COX7B: variants seen among roughly 807,000 people sequenced by gnomAD.
COX7B encodes the protein cytochrome c oxidase subunit 7B, mitochondrial.
COX7B carries 2 observed loss-of-function variants against 7.9 expected under a neutral mutation model. The observed-to-expected ratio is 0.25, with a 90% confidence interval of 0.10 to 0.79. The LOEUF (loss-of-function observed/expected upper bound fraction) is 0.79. COX7B is among the 30% of genes least tolerant of loss of function. COX7B has a pLI of 0.69. For synonymous variants in COX7B, 19 were observed against 21.1 expected (o/e 0.90, Z 0.27); for missense variants, 54 against 62.7 (o/e 0.86, Z 0.47).
rs536036772 is a variant in COX7B, at chrX:77,906,672, G to T, written c.*1411G>T. ...AGATGAAGTCTCACTCTGTTGCCCAGGCTGGAGTGCAGTGGTGTGATCTTG... is the reference window on the plus strand; with the variant it reads ...AGATGAAGTCTCACTCTGTTGCCCATGCTGGAGTGCAGTGGTGTGATCTTG... On this transcript the variant is annotated 3_prime_UTR_variant, in exon 3 of 3. Transcript: ENST00000650309. The T allele has an allele frequency of 4.1e-4, 46 of 111,681 alleles. No homozygotes were observed. Among genetic ancestry groups the T allele is most frequent in the African/African-American group, 1.4e-3 (44 of 30,803 alleles). The allele number at this position is 111,681 out of a possible 1,213,427, so 9.2% of individuals were successfully genotyped here.
chrX:77,901,887 C>T (rs2077121367), intron 1 of COX7B: 1 of 110,951 alleles, frequency 9.0e-6, no homozygotes, highest in South Asian at 3.8e-4. Context: ...CACCACCATG[C>T]CCGGCTAATT....
At chrX:77,899,756 C>G (rs2077116017) in intron 1 of COX7B, among the ~76,000 whole-genome samples, 163 bp downstream of exon 1, 1 of 111,032 alleles carries the variant, frequency 9.0e-6, no homozygotes, top group African/African-American at 3.3e-5. Context: ...TTAGCATTGG[C>G]TTTATCACCC....
intron 2 of COX7B, 81 bp downstream of exon 2, chrX:77,902,848 G>C (rs1420353081): frequency 1.0e-6 from 1 of 970,127 alleles, no homozygotes; most frequent in African/African-American, 1.9e-5. Flanking sequence ...TAACATAGTA[G>C]TGTACATATC....
chrX:77,906,361 C>T lies in COX7B; in HGVS notation c.*1100C>T, dbSNP rs1319466167. The T allele has an allele frequency of 9.0e-6, 1 of 111,707 alleles. No individual in the cohort carries two copies. Among genetic ancestry groups the T allele is most frequent in the African/African-American group, 3.3e-5 (1 of 30,740 alleles). The allele number at this position is 111,707 out of a possible 1,213,427, so 9.2% of individuals were successfully genotyped here. On this transcript the variant is annotated 3_prime_UTR_variant, in exon 3 of 3. Coordinates refer to ENST00000650309, the MANE Select transcript of COX7B (RefSeq NM_001866.3). ...GCGGAGTGGTCCTATAAAACAAACT[C>T]GTAGCCTGTCTGAAGACTAGCTACT... is the stretch of plus-strand genomic sequence containing the variant.
At chrX:77,902,248 T>A (rs1487338991) in intron 1 of COX7B, among the ~76,000 whole-genome samples, 3 of 111,865 alleles carry the variant, frequency 2.7e-5, no homozygotes, top group African/African-American at 9.7e-5. Context: ...GAGCCAAAAT[T>A]TCAGGGGTTA....
Position 77,905,224 on chromosome X carries a change from T to C in COX7B, c.206T>C (p.Val69Ala). The change falls in exon 3 of 3, where the codon GTT becomes GCT. Residue 69 changes from valine (V) to alanine (A), a missense_variant. Transcript: ENST00000650309. ...GGAATAGAATGGAACCTGTCCCCTG[T>C]TGGCAGAGTTACCCCAAAGGAATGG... ...QVGIEWNLSP[V>A]GRVTPKEWRN... 3.3e-6 allele frequency: 4 copies of C among 1,209,158 alleles called. No homozygotes were observed. Among genetic ancestry groups the C allele is most frequent in the Non-Finnish European group, 4.5e-6 (4 of 893,922 alleles).
At chrX:77,899,720 C>T in intron 1 of COX7B, 127 bp downstream of exon 1, 2 of 628,966 alleles carry the variant, frequency 3.2e-6, no homozygotes, top group Non-Finnish European at 5.1e-6. Flanking sequence ...TCTCCCATCT[C>T]GTCCCAAGTC....
chrX:77,900,025 A>C (rs2077116539), intron 1 of COX7B, among the ~76,000 whole-genome samples: 1 of 111,998 alleles, frequency 8.9e-6, no homozygotes, highest in Non-Finnish European at 1.9e-5. Flanking sequence ...AATTGCAGGG[A>C]AACAACCCAA....
At chrX:77,902,392 A>G (rs782515523) in intron 1 of COX7B, among the ~76,000 whole-genome samples, 4 of 112,166 alleles carry the variant, frequency 3.6e-5, no homozygotes, top group African/African-American at 6.5e-5. Context: ...ACCCACCACA[A>G]AGATTCTACA....
In COX7B at chrX:77,905,413, A is replaced by G; in HGVS notation, c.*152A>G. 2.2e-6 allele frequency: 1 copy of G among 444,922 alleles called. No homozygotes were observed. The highest frequency in any genetic ancestry group is 3.9e-6 in the Non-Finnish European group (1 of 255,268). The allele number at this position is 444,922 out of a possible 1,213,427, so 36.7% of individuals were successfully genotyped here. A position where few individuals can be genotyped will look rare whatever the true frequency, so the allele number is the denominator to read the frequency against. ...GTAGGTTTTGTTTCTTTGTAAATGA[A>G]ACTAAGCTTGATCACTTTAGCCTTT... On this transcript the variant is annotated 3_prime_UTR_variant, in exon 3 of 3. Coordinates refer to ENST00000650309, the MANE Select transcript of COX7B (RefSeq NM_001866.3).
intron 2 of COX7B, 183 bp downstream of exon 2, chrX:77,902,950 T>C (rs917116607): frequency 4.0e-5 from 14 of 348,768 alleles, no homozygotes; most frequent in African/African-American, 3.2e-4. Context: ...CTTCTGTTCT[T>C]AACATTCCCA....
chrX:77,902,553 C>A, intron 1 of COX7B, 90 bp from the exon 2 acceptor site: 1 of 992,418 alleles, frequency 1.0e-6, no homozygotes. Context: ...ACTTCCTTGG[C>A]TTTCCTGATT....
Position 77,899,600 on chromosome X carries a change from A to G in COX7B, c.40+7A>G, listed in dbSNP as rs2149032976. ...GCACTAAATCGTCTCCAAGGTGAGC[A>G]AAAATTATGACAAATCATTTACAAC... On this transcript the variant is annotated splice_region_variant and intron_variant, in intron 1 of 2. Coordinates refer to ENST00000650309, the MANE Select transcript of COX7B (RefSeq NM_001866.3). 8.3e-7 allele frequency: 1 copy of G among 1,208,097 alleles called. No individual in the cohort carries two copies. Among genetic ancestry groups the G allele is most frequent in the Admixed American group, 2.2e-5 (1 of 45,879 alleles).
At position 77,905,308 on chromosome X, in the gene COX7B, A is replaced by G. The variant is rs782477129; in HGVS notation, c.*47A>G. The G allele has an allele frequency of 3.3e-5, 33 of 994,893 alleles. No individual in the cohort carries two copies. The highest frequency in any genetic ancestry group is 4.4e-5 in the Non-Finnish European group (31 of 701,683). 82.0% of individuals were successfully genotyped at this position (994,893 alleles called of 1,213,427 possible). A position where few individuals can be genotyped will look rare whatever the true frequency, so the allele number is the denominator to read the frequency against. On this transcript the variant is annotated 3_prime_UTR_variant, in exon 3 of 3. Transcript: ENST00000650309. ...TGAATTGTTTAAAAAACAGCTCATAATTGATGCCAAATTAAAGCACTGTGT... is the reference window on the plus strand; with the variant it reads ...TGAATTGTTTAAAAAACAGCTCATAGTTGATGCCAAATTAAAGCACTGTGT...
chrX:77,905,198 C>T lies in COX7B; in HGVS notation c.180C>T (p.Val60=), dbSNP rs782173769. Residue 60 remains valine, a synonymous_variant, in exon 3 of 3, where the codon GTC becomes GTT. Transcript: ENST00000650309. ...AATTCTTACAGGTAGCAACACAAGTCGGAATAGAATGGAACCTGTCCCCTG... is the reference window on the plus strand; with the variant it reads ...AATTCTTACAGGTAGCAACACAAGTTGGAATAGAATGGAACCTGTCCCCTG... ...IVTWTYVATQ[V]GIEWNLSPVG... is the part of the protein sequence containing the mutation. 14 of 1,206,760 alleles carry T rather than the reference C, an allele frequency of 1.2e-5. No individual in the cohort carries two copies. The highest frequency in any genetic ancestry group is 3.0e-5 in the East Asian group (1 of 33,736).
intron 2 of COX7B, among the ~76,000 whole-genome samples, chrX:77,903,687 T>G (rs934165791): frequency 9.0e-6 from 1 of 111,410 alleles, no homozygotes; most frequent in Non-Finnish European, 1.9e-5. Context: ...AATTTTTTTG[T>G]TCATGGTTTC....
In COX7B at chrX:77,899,483, T is replaced by TG. The variant is rs372770371; in HGVS notation, c.-71_-70insG. Reference sequence around the variant, plus strand: ...AAGCCATTTTGTTTTTCAGCTCACTTCAAGGGTACCTGAAGCGAATTGGCA... The same window carrying TG: ...AAGCCATTTTGTTTTTCAGCTCACTTGCAAGGGTACCTGAAGCGAATTGGCA... On this transcript the variant is annotated 5_prime_UTR_variant, in exon 1 of 3. Coordinates refer to ENST00000650309, the MANE Select transcript of COX7B (RefSeq NM_001866.3). 1 of 1,143,185 alleles carries TG rather than the reference T, an allele frequency of 8.7e-7. No homozygotes were observed. The highest frequency in any genetic ancestry group is 1.8e-5 in the African/African-American group (1 of 55,912). 94.2% of individuals were successfully genotyped at this position (1,143,185 alleles called of 1,213,427 possible).
Position 77,905,228 on chromosome X carries a change from C to T in COX7B, c.210C>T (p.Gly70=). The change falls in exon 3 of 3, where the codon GGC becomes GGT. Residue 70 remains glycine, a synonymous_variant. Transcript: ENST00000650309. The part of the protein sequence containing the change: ...VGIEWNLSPV[G]RVTPKEWRNQ The stretch of plus-strand genomic sequence containing the variant: ...TAGAATGGAACCTGTCCCCTGTTGG[C>T]AGAGTTACCCCAAAGGAATGGAGGA... 1 of 1,208,176 alleles carries T rather than the reference C, an allele frequency of 8.3e-7. No homozygotes were observed. Among genetic ancestry groups the T allele is most frequent in the Non-Finnish European group, 1.1e-6 (1 of 893,230 alleles).
intron 1 of COX7B, among the ~76,000 whole-genome samples, chrX:77,902,438 T>C (rs2077122809): frequency 8.9e-6 from 1 of 112,590 alleles, no homozygotes; most frequent in African/African-American, 3.2e-5. Flanking sequence ...CATGTATTTG[T>C]CCATCTGTCA....
Sources: gnomAD v4.1 joint callset for allele counts (sites outside exome capture counted in the v4.1 genomes callset) on GRCh38, gnomAD v4.1.1 for gene constraint, MANE v1.5 for transcripts, NCBI Gene and HGNC (gene_info 2026-07-23, HGNC 2026-07-21) for gene names.